Variants in LYPD8 observed in about 807,000 individuals in gnomAD.
The protein encoded by LYPD8 is LY6/PLAUR domain containing 8, also known as ly6/PLAUR domain-containing protein 8.
LYPD8 carries 8 observed loss-of-function variants against 1.7 expected under a neutral mutation model. That is an observed-to-expected ratio of 4.58 (90% CI 2.69 to 8.27). The LOEUF is 8.27. Among genes scored for constraint, LYPD8 ranks in the 30% most tolerant of loss-of-function variants. The pLI is 0.00. For missense variants in LYPD8, 112 were observed against 102.3 expected (o/e 1.09, Z -0.41); for synonymous variants, 50 against 43.6 (o/e 1.15, Z -0.58).
At chr1:248,746,664 C>G (rs1662733348) in intron 5 of LYPD8, among the ~76,000 whole-genome samples, 4 of 70,324 alleles carry the variant, frequency 5.7e-5, no homozygotes, top group South Asian at 7.7e-4. Context: ...CGGCCAGCAC[C>G]CACCCAGGGC....
At chr1:248,745,846 C>A (rs1247900879) in intron 5 of LYPD8, among the ~76,000 whole-genome samples, 1 of 152,174 alleles carries the variant, frequency 6.6e-6, no homozygotes, top group Non-Finnish European at 1.5e-5. Context: ...GTCCCTGAGA[C>A]CCTTACAGGG....
At chr1:248,744,152 C>T (rs1333894086) in intron 6 of LYPD8, among the ~76,000 whole-genome samples, 1 of 152,214 alleles carries the variant, frequency 6.6e-6, no homozygotes, top group African/African-American at 2.4e-5. Context: ...CCACTAATGT[C>T]CCTCTCACAC....
At chr1:248,742,273 A>T (rs1170085829) in intron 6 of LYPD8, among the ~76,000 whole-genome samples, 4 of 76,078 alleles carry the variant, frequency 5.3e-5, no homozygotes, top group Non-Finnish European at 9.8e-5. Flanking sequence ...TCTGGTGGGG[A>T]TGTTGGCAGC....
At chr1:248,746,092 C>A (rs1207001601) in intron 5 of LYPD8, among the ~76,000 whole-genome samples, 1 of 152,032 alleles carries the variant, frequency 6.6e-6, no homozygotes, top group East Asian at 1.9e-4. Context: ...GTATATGTTT[C>A]TTTTGGAGAA....
chr1:248,743,207 G>A (rs1194550896), intron 6 of LYPD8, among the ~76,000 whole-genome samples: 1 of 152,176 alleles, frequency 6.6e-6, no homozygotes, highest in Non-Finnish European at 1.5e-5. Context: ...GCTCACACCT[G>A]TAATCCCAGC....
intron 2 of LYPD8, among the ~76,000 whole-genome samples, chr1:248,753,891 C>T (rs1474730273): frequency 2.0e-5 from 3 of 150,038 alleles, no homozygotes; most frequent in Non-Finnish European, 4.4e-5. Context: ...ACACACACAC[C>T]ACACATCACA....
chr1:248,752,822 A>AAC (rs1558208709), intron 2 of LYPD8, among the ~76,000 whole-genome samples: 16 of 73,634 alleles, frequency 2.2e-4, no homozygotes, highest in African/African-American at 1.1e-3. Context: ...CACACATCAC[A>AAC]TCACACACAC....
rs576599673 is a variant in LYPD8 at position 248,739,700 on chromosome 1, C to T, written c.625G>A (p.Ala209Thr). 1.2e-5 allele frequency: 19 copies of T among 1,551,704 alleles called. No homozygotes were observed. In the African/African-American group the frequency reaches 2.3e-4, roughly 19 times the overall value. ...CCCACGTTGTGGGAAGTGGTTGGTG[C>T]AGACGTGGGGGTTAAGCTGTTTACA... Reference protein sequence around the residue: ...ANVNSLTPTSAPTTSHNVGSK... With the variant: ...ANVNSLTPTSTPTTSHNVGSK... The change falls in exon 7 of 7, where the codon GCA becomes ACA. Residue 209 changes from alanine to threonine, a missense_variant. Transcript: ENST00000590317. This position sits in a 1 kb window ranked among gnomAD's most constrained non-coding sequence, Gnocchi z 4.3.
At chr1:248,744,587 TCTCACAATGGGTAGCGTCAAATGTGG>T (rs1553283983) in intron 6 of LYPD8, among the ~76,000 whole-genome samples, 746 of 142,892 alleles carry the variant, frequency 5.2e-3, no homozygotes, top group East Asian at 8.1e-3. Context: ...CAAATGTGGA[TCTCACAATGGGTAGCGTCAAATGTGG>T]ATCTCACAAT....
At chr1:248,749,442 G>A (rs1319916726) in intron 4 of LYPD8, among the ~76,000 whole-genome samples, 1 of 152,130 alleles carries the variant, frequency 6.6e-6, no homozygotes, top group Non-Finnish European at 1.5e-5. Context: ...ACCATGGATT[G>A]GATAACCTAT....
intron 2 of LYPD8, among the ~76,000 whole-genome samples, chr1:248,751,886 C>G (rs1003189767): frequency 6.6e-6 from 1 of 152,150 alleles, no homozygotes; most frequent in Non-Finnish European, 1.5e-5. Flanking sequence ...TCACCAATGT[C>G]TCTGCACCTT....
At chr1:248,742,182 G>A (rs1180393726) in intron 6 of LYPD8, among the ~76,000 whole-genome samples, 2 of 150,944 alleles carry the variant, frequency 1.3e-5, no homozygotes, top group Non-Finnish European at 3.0e-5. Context: ...TGGCAGCGGG[G>A]AGATTATGCT....
At chr1:248,744,630 T>C (rs61840350) in intron 6 of LYPD8, among the ~76,000 whole-genome samples, 9,955 of 106,334 alleles carry the variant, frequency 0.094, 1,362 homozygotes, top group African/African-American at 0.33. Context: ...CAATGGGTAG[T>C]GTCAAATGTG....
intron 2 of LYPD8, 106 bp from the exon 3 acceptor site, chr1:248,751,236 T>G: frequency 7.6e-6 from 3 of 395,168 alleles, no homozygotes. Context: ...TCCATCCTTG[T>G]GACAGAAAGA....
chr1:248,741,356 G>T (rs576720042), intron 6 of LYPD8, among the ~76,000 whole-genome samples: 1 of 152,280 alleles, frequency 6.6e-6, no homozygotes, highest in South Asian at 2.1e-4. Context: ...ACAGGCGCGT[G>T]CCACCACATC....
At chr1:248,742,569 G>T (rs1553283564) in intron 6 of LYPD8, among the ~76,000 whole-genome samples, 3 of 85,828 alleles carry the variant, frequency 3.5e-5, no homozygotes, top group Admixed American at 1.1e-4. Flanking sequence ...GGCAGCCGGG[G>T]AGATTATGCT....
At chr1:248,749,262 T>C (rs1378231188) in intron 4 of LYPD8, among the ~76,000 whole-genome samples, 1 of 152,166 alleles carries the variant, frequency 6.6e-6, no homozygotes, top group Non-Finnish European at 1.5e-5. Flanking sequence ...AAATGGGGGA[T>C]TTGGCTGGGA....
At chr1:248,754,074 C>G (rs1379493404) in intron 2 of LYPD8, among the ~76,000 whole-genome samples, 1 of 148,616 alleles carries the variant, frequency 6.7e-6, no homozygotes, top group African/African-American at 2.5e-5. Flanking sequence ...ACACCCCACA[C>G]CACACACATA....
chr1:248,743,026 G>A (rs1244499978), intron 6 of LYPD8, among the ~76,000 whole-genome samples: 1 of 148,166 alleles, frequency 6.7e-6, no homozygotes, highest in Non-Finnish European at 1.5e-5. Flanking sequence ...TGGCAGCCGG[G>A]GGAGGTTATG....
Sources: allele counts gnomAD v4.1 joint callset (sites outside exome capture counted in the v4.1 genomes callset), GRCh38; gene constraint gnomAD v4.1.1; non-coding constraint Gnocchi (gnomAD v3.1); transcripts MANE v1.5; gene names NCBI Gene and HGNC (gene_info 2026-07-23, HGNC 2026-07-21).